Variants in GVQW3 observed in about 807,000 individuals in gnomAD.
GVQW3 encodes protein GVQW3.
A neutral mutation model predicts 12.5 loss-of-function variants in GVQW3; 7 were observed. The ratio of observed to expected loss-of-function variants is 0.56; its 90% CI spans 0.32 to 1.05. The LOEUF (loss-of-function observed/expected upper bound fraction) is 1.05. Ranked by LOEUF, GVQW3 falls within the 50% of genes least tolerant of loss-of-function variation. The pLI is 0.04. For synonymous variants in GVQW3, 71 were observed against 67.2 expected, an observed-to-expected ratio of 1.06 and a Z score of -0.28; for missense variants, 188 against 190.8, an observed-to-expected ratio of 0.99 and a Z score of 0.09.
intron 1 of GVQW3, among the ~76,000 whole-genome samples, chr11:76,388,339 T>G (rs1946857012): frequency 6.6e-6 from 1 of 152,232 alleles, no homozygotes; most frequent in Non-Finnish European, 1.5e-5. Context: ...TTGCAACTGG[T>G]GCTGAGATCT....
rs1313856830 is a variant in GVQW3, at chr11:76,405,974, C to A, written c.*2216C>A. On this transcript the variant is annotated 3_prime_UTR_variant, in exon 2 of 2. Coordinates refer to ENST00000529331, the MANE Select transcript of GVQW3 (RefSeq NM_001347885.2). ...ACCATGCCTGGCCTGGAGATCAGTTCTTTTTTACTTTTTTTTGAGACAGGC... is the reference window on the plus strand; with the variant it reads ...ACCATGCCTGGCCTGGAGATCAGTTATTTTTTACTTTTTTTTGAGACAGGC... The A allele has an allele frequency of 6.6e-6, 1 of 151,758 alleles. No individual in the cohort carries two copies. The highest frequency in any genetic ancestry group is 1.9e-4 in the East Asian group (1 of 5,164). 9.4% of individuals were successfully genotyped at this position (151,758 alleles called of 1,614,324 possible).
chr11:76,391,387 A>G (rs1294474612), intron 1 of GVQW3, among the ~76,000 whole-genome samples: 1 of 152,222 alleles, frequency 6.6e-6, no homozygotes, highest in Non-Finnish European at 1.5e-5. Flanking sequence ...CTTAAAGAAA[A>G]GATGTGTGCC....
intron 1 of GVQW3, chr11:76,390,247 A>G (rs1289462015): frequency 6.6e-6 from 1 of 152,254 alleles, no homozygotes; most frequent in Non-Finnish European, 1.5e-5. Flanking sequence ...AGATCTAAGT[A>G]TAAGTCCTCT....
chr11:76,385,847 T>C (rs1402782413), intron 1 of GVQW3, among the ~76,000 whole-genome samples: 1 of 152,170 alleles, frequency 6.6e-6, no homozygotes, highest in Non-Finnish European at 1.5e-5. Flanking sequence ...AGGCACCCAG[T>C]GTCACCAGTT....
chr11:76,397,807 G>T lies in GVQW3; in HGVS notation c.466-5853G>T, dbSNP rs146060600. On this transcript the variant is annotated intron_variant, in intron 1 of 1. Coordinates refer to ENST00000529331, the MANE Select transcript of GVQW3 (RefSeq NM_001347885.2). ...AGGATTTTTGACCTTTATATTTAAA[G>T]TGATTCATTTAATTGTAAGTTTACA... is the stretch of plus-strand genomic sequence containing the variant. Among the ~76,000 whole-genome samples the T allele has an allele frequency of 7.0e-3, 1,064 of 152,274 alleles. 20 individuals are homozygous for T. The highest frequency in any genetic ancestry group is 0.025 in the African/African-American group (1,021 of 41,562).
At position 76,403,474 on chromosome 11, in the gene GVQW3, T is replaced by G. The variant is rs376314719; in HGVS notation, c.466-186T>G. ...AGAACTAGAGTTTAGTGGGTTTTGT[T>G]GTTTGTTTGTTTAGAAACAGGATAT... On this transcript the variant is annotated intron_variant, in intron 1 of 1. Transcript: ENST00000529331. Among the ~76,000 whole-genome samples, 4 of 152,186 alleles carry G rather than the reference T, an allele frequency of 2.6e-5. No homozygotes were observed. In the East Asian group the frequency reaches 5.8e-4, roughly 22 times the overall value.
intron 1 of GVQW3, among the ~76,000 whole-genome samples, chr11:76,391,767 A>G (rs1946894650): frequency 6.6e-6 from 1 of 152,136 alleles, no homozygotes; most frequent in South Asian, 2.1e-4. Flanking sequence ...CAACCTGGCC[A>G]ACATGGTAAA....
chr11:76,403,861 T>G lies in GVQW3; in HGVS notation c.*103T>G. On this transcript the variant is annotated 3_prime_UTR_variant, in exon 2 of 2. Coordinates refer to ENST00000529331, the MANE Select transcript of GVQW3 (RefSeq NM_001347885.2). ...GCTGATGTACAAGGGCAGGAGAAGA[T>G]GGATGTCACAGCTCAAGAAGCGAGA... 1 of 698,962 alleles carries G rather than the reference T, an allele frequency of 1.4e-6. No individual in the cohort carries two copies. The highest frequency in any genetic ancestry group is 2.6e-6 in the Non-Finnish European group (1 of 382,718). 43.3% of individuals were successfully genotyped at this position (698,962 alleles called of 1,614,324 possible).
intron 1 of GVQW3, 135 bp downstream of exon 1, chr11:76,382,428 C>G (rs569359194): frequency 4.2e-6 from 3 of 707,730 alleles, no homozygotes; most frequent in Admixed American, 2.1e-5. Flanking sequence ...GCCTTCCCCC[C>G]AGGGTAGCTG....
At chr11:76,393,196 A>C (rs1224974511) in intron 1 of GVQW3, among the ~76,000 whole-genome samples, 1 of 152,226 alleles carries the variant, frequency 6.6e-6, no homozygotes, top group African/African-American at 2.4e-5. Flanking sequence ...AAATGAGGTG[A>C]TGGGTGTAGT....
At chr11:76,412,518 GA>G (rs1373592415), downstream of GVQW3, 3 of 152,182 alleles carry the variant, frequency 2.0e-5, no homozygotes, top group Admixed American at 2.0e-4. Context: ...GAGTGAGCAT[GA>G]ATCAAAGAAA....
At position 76,406,573 on chromosome 11, in the gene GVQW3, CT is replaced by C. The variant is rs1764151324; in HGVS notation, c.*2819del. On this transcript the variant is annotated 3_prime_UTR_variant, in exon 2 of 2. Coordinates refer to ENST00000529331, the MANE Select transcript of GVQW3 (RefSeq NM_001347885.2). ...TTCTCATCTCACGAATTTCAAGTGA[CT>C]TTTGACTATTGCCAAAAATCAAAAA... 1 of 152,228 alleles carries C rather than the reference CT, an allele frequency of 6.6e-6. No homozygotes were observed. The highest frequency in any genetic ancestry group is 6.5e-5 in the Admixed American group (1 of 15,276). 9.4% of individuals were successfully genotyped at this position (152,228 alleles called of 1,614,324 possible). A position where few individuals can be genotyped will look rare whatever the true frequency, so the allele number is the denominator to read the frequency against.
At chr11:76,387,094 A>G (rs1323458293) in intron 1 of GVQW3, among the ~76,000 whole-genome samples, 1 of 152,208 alleles carries the variant, frequency 6.6e-6, no homozygotes, top group Non-Finnish European at 1.5e-5. Context: ...TTTGAATTTT[A>G]TATAGTTTTT....
chr11:76,387,649 G>A (rs531797701), intron 1 of GVQW3, among the ~76,000 whole-genome samples: 5 of 152,140 alleles, frequency 3.3e-5, no homozygotes, highest in African/African-American at 9.7e-5. Flanking sequence ...GGCCAGGCAC[G>A]ATGGCTCATG....
At chr11:76,399,096 T>C (rs961207421) in intron 1 of GVQW3, among the ~76,000 whole-genome samples, 1 of 151,712 alleles carries the variant, frequency 6.6e-6, no homozygotes, top group Non-Finnish European at 1.5e-5. Flanking sequence ...AGTCATGTAA[T>C]TGTATTGTAT....
intron 1 of GVQW3, among the ~76,000 whole-genome samples, chr11:76,394,137 G>A (rs1052334556): frequency 6.6e-6 from 1 of 152,168 alleles, no homozygotes; most frequent in African/African-American, 2.4e-5. Flanking sequence ...GACCTCAGGT[G>A]ATCTGCCTGC....
At position 76,403,983 on chromosome 11, in the gene GVQW3, T is replaced by G. The variant is rs1003231677; in HGVS notation, c.*225T>G. The G allele has an allele frequency of 1.5e-6, 1 of 676,770 alleles. No individual in the cohort carries two copies. Among genetic ancestry groups the G allele is most frequent in the Admixed American group, 2.1e-5 (1 of 48,174 alleles). 41.9% of individuals were successfully genotyped at this position (676,770 alleles called of 1,614,324 possible). On this transcript the variant is annotated 3_prime_UTR_variant, in exon 2 of 2. Transcript: ENST00000529331. ...GGAGGGCTGCCTCTTCATTACTCGGTCTACCAATTCAAATGCTAATCTCTT... is the reference window on the plus strand; with the variant it reads ...GGAGGGCTGCCTCTTCATTACTCGGGCTACCAATTCAAATGCTAATCTCTT...
At chr11:76,410,707 T>C (rs1456724119), downstream of GVQW3, among the ~76,000 whole-genome samples, 1 of 152,190 alleles carries the variant, frequency 6.6e-6, no homozygotes, top group East Asian at 1.9e-4. Context: ...GAGGATGCTG[T>C]CTCTGTGCTA....
At chr11:76,413,316 T>C (rs754452666) in exon 2 of GVQW3, 1 of 152,126 alleles carries the variant, frequency 6.6e-6, no homozygotes, top group Non-Finnish European at 1.5e-5. Flanking sequence ...ATATGCCAGG[T>C]GTCATGTAAA....
Sources: allele counts gnomAD v4.1 joint callset (sites outside exome capture counted in the v4.1 genomes callset), GRCh38; gene constraint gnomAD v4.1.1; transcripts MANE v1.5; gene names NCBI Gene and HGNC (gene_info 2026-07-23, HGNC 2026-07-21).